Variants in USF3 observed in about 807,000 individuals in gnomAD.
USF3 encodes basic helix-loop-helix domain-containing protein USF3.
USF3 carries 29 observed loss-of-function variants against 157.5 expected under a neutral mutation model. The observed-to-expected ratio is 0.18, with a 90% CI of 0.14 to 0.25. The LOEUF (loss-of-function observed/expected upper bound fraction) is 0.25, where lower values mean the gene tolerates loss of function less well. Among genes scored for constraint, USF3 ranks in the 10% least tolerant of loss-of-function variants. USF3 has a pLI of 1.00. For missense variants in USF3, 2,381 were observed against 2,667.6 expected (o/e 0.89, Z 2.37); for synonymous variants, 893 against 941.4 (o/e 0.95, Z 0.94).
chr3:113,679,766 A>G (rs1316562602), intron 1 of USF3, among the ~76,000 whole-genome samples: 1 of 152,132 alleles, frequency 6.6e-6, no homozygotes, highest in African/African-American at 2.4e-5. Context: ...CTACTCCAGA[A>G]GCAAACCCTA....
At chr3:113,692,621 G>C (rs1707709483) in intron 1 of USF3, among the ~76,000 whole-genome samples, 1 of 152,110 alleles carries the variant, frequency 6.6e-6, no homozygotes, top group African/African-American at 2.4e-5. Context: ...GTTCTTATGA[G>C]CTGAGTCCAC....
chr3:113,692,744 A>G (rs1433550365), intron 1 of USF3, among the ~76,000 whole-genome samples: 3 of 152,194 alleles, frequency 2.0e-5, no homozygotes, highest in Non-Finnish European at 4.4e-5. Flanking sequence ...AATAGAAACA[A>G]CTTATCATGT....
intron 6 of USF3, among the ~76,000 whole-genome samples, chr3:113,663,064 C>T (rs1272209638): frequency 6.7e-6 from 1 of 149,612 alleles, no homozygotes; most frequent in Admixed American, 6.7e-5. Context: ...GATACATGCA[C>T]AGTGAGCATA....
At chr3:113,695,523 A>G (rs372661941) in intron 1 of USF3, among the ~76,000 whole-genome samples, 37 of 152,366 alleles carry the variant, frequency 2.4e-4, no homozygotes, top group African/African-American at 7.2e-4. Context: ...TTGCCTACAC[A>G]GTTGGCCACG....
Position 113,654,911 on chromosome 3 carries a change from C to G in USF3, c.*33G>C. The G allele has an allele frequency of 6.3e-7, 1 of 1,575,618 alleles. No homozygotes were observed. The highest frequency in any genetic ancestry group is 8.6e-7 in the Non-Finnish European group (1 of 1,159,292). On this transcript the variant is annotated 3_prime_UTR_variant, in exon 7 of 7. Transcript: ENST00000316407. ...GCACGCACAAATACATTTGTAATCT[C>G]ACTCATTACCTTTACATTTTGTTTA...
intron 1 of USF3, among the ~76,000 whole-genome samples, chr3:113,690,611 G>A (rs1253427633): frequency 8.5e-5 from 13 of 152,150 alleles, no homozygotes; most frequent in South Asian, 6.2e-4. Flanking sequence ...ATCCCTGTGC[G>A]CCTTATCAGC....
In USF3 at chr3:113,650,462, C is replaced by T. The variant is rs2107907685; in HGVS notation, c.*4482G>A. 6.6e-6 allele frequency: 1 copy of T among 152,306 alleles called. No individual in the cohort carries two copies. Among genetic ancestry groups the T allele is most frequent in the South Asian group, 2.1e-4 (1 of 4,820 alleles). 9.4% of individuals were successfully genotyped at this position (152,306 alleles called of 1,614,324 possible). A position where few individuals can be genotyped will look rare whatever the true frequency, so the allele number is the denominator to read the frequency against. The stretch of plus-strand genomic sequence containing the variant: ...TCAAGGCAAAGGAGTAATCATCTCG[C>T]TAAGGAAATGACTGGCTTCCCTGAG... On this transcript the variant is annotated 3_prime_UTR_variant, in exon 7 of 7. Transcript: ENST00000316407.
At chr3:113,670,900 C>A (rs1707140543) in intron 4 of USF3, among the ~76,000 whole-genome samples, 1 of 151,992 alleles carries the variant, frequency 6.6e-6, no homozygotes, top group Admixed American at 6.6e-5. Flanking sequence ...CAGCACCATG[C>A]CCAACTATTT....
intron 1 of USF3, among the ~76,000 whole-genome samples, chr3:113,680,304 ACTT>A: frequency 6.6e-6 from 1 of 151,218 alleles, no homozygotes; most frequent in East Asian, 1.9e-4. Context: ...TAGGTTTTGG[ACTT>A]CTTCATGGTT....
In USF3 at chr3:113,660,255, G is replaced by A. The variant is rs752208955; in HGVS notation, c.1427C>T (p.Thr476Ile). Residue 476 changes from threonine to isoleucine, a missense_variant, in exon 7 of 7, where the codon ACA (threonine) becomes ATA (isoleucine). Thr to Ile is a moderately conservative substitution (Grantham distance 89). Around this residue, in one of 6 missense-constraint regions of USF3, gnomAD observed 1,435 missense variants for 1,550.9 expected, o/e 0.93. Transcript: ENST00000316407. ...AAAGGAATTATTCAAGTTGATGTCT[G>A]TAGCCACATATCTACTGTGGTTGCT... is the stretch of plus-strand genomic sequence containing the variant. Reference protein sequence around the residue: ...TTSNHSRYVATDINLNNSFPA... With the variant: ...TTSNHSRYVAIDINLNNSFPA... The A allele has an allele frequency of 1.9e-6, 3 of 1,614,188 alleles. No homozygotes were observed. The highest frequency in any genetic ancestry group is 1.1e-5 in the South Asian group (1 of 91,086).
rs1389346519 is a variant in USF3, at chr3:113,655,223, T to G, written c.6459A>C (p.Gly2153=). Residue 2153 remains glycine (G), a synonymous_variant, in exon 7 of 7, where the codon GGA becomes GGC. Coordinates refer to ENST00000316407, the MANE Select transcript of USF3 (RefSeq NM_001009899.4). Reference sequence around the variant, plus strand: ...CAGGTCTGGGAGGAGATAAAATTGATCCAAATCGGTTATTTAAACTTCCAC... The same window carrying G: ...CAGGTCTGGGAGGAGATAAAATTGAGCCAAATCGGTTATTTAAACTTCCAC... ...VNSGSLNNRF[G]SILSPPRPVG... 1 of 1,614,184 alleles carries G rather than the reference T, an allele frequency of 6.2e-7. No homozygotes were observed. The highest frequency in any genetic ancestry group is 8.5e-7 in the Non-Finnish European group (1 of 1,180,018).
chr3:113,692,744 A>C (rs1433550365), intron 1 of USF3, among the ~76,000 whole-genome samples: 1 of 152,194 alleles, frequency 6.6e-6, no homozygotes, highest in Non-Finnish European at 1.5e-5. Context: ...AATAGAAACA[A>C]CTTATCATGT....
rs928319435 is a variant in USF3 at position 113,696,213 on chromosome 3, C to T, written c.-135+157G>A. On this transcript the variant is annotated intron_variant, in intron 1 of 6. Transcript: ENST00000316407. Reference sequence around the variant, plus strand: ...CCCACCAGGTGCCGCACGCAAGGGTCCCCAGGAAGGAGGCGCACTTAGCGC... The same window carrying T: ...CCCACCAGGTGCCGCACGCAAGGGTTCCCAGGAAGGAGGCGCACTTAGCGC... 3.3e-5 allele frequency among the ~76,000 whole-genome samples: 5 copies of T among 152,108 alleles called. No individual in the cohort carries two copies. In the East Asian group the frequency reaches 9.7e-4, roughly 29 times the overall value.
Position 113,661,196 on chromosome 3 carries a change from TC to T in USF3, c.485del (p.Gly162GlufsTer7). The part of the protein sequence containing the change: ...NGNQPGGNSQ[G>X]TAVQGITFNV... ...TAAAAGTTATCCCCTGAACAGCTGT[TC>T]CCTGGCTGTTTCCACCAGGCTGATT... On this transcript the variant is annotated frameshift_variant, in exon 7 of 7. Coordinates refer to ENST00000316407, the MANE Select transcript of USF3 (RefSeq NM_001009899.4). LOFTEE classifies it high-confidence loss of function. 1 of 1,614,002 alleles carries T rather than the reference TC, an allele frequency of 6.2e-7. No individual in the cohort carries two copies. The highest frequency in any genetic ancestry group is 8.5e-7 in the Non-Finnish European group (1 of 1,179,892).
Position 113,659,950 on chromosome 3 carries a change from G to A in USF3, c.1732C>T (p.Gln578Ter). ...RAEVSNQTVG[Q>*]QIVIIQAANQ... is the part of the protein sequence containing the mutation. The stretch of plus-strand genomic sequence containing the variant: ...GCAGCCTGTATGATTACTATCTGTT[G>A]ACCTACTGTTTGGTTGGAAACTTCT... The change falls in exon 7 of 7, where the codon CAA becomes TAA. Residue 578 changes from glutamine to a stop codon, truncating the protein, a stop_gained. Coordinates refer to ENST00000316407, the MANE Select transcript of USF3 (RefSeq NM_001009899.4). LOFTEE classifies it high-confidence loss of function. 6.2e-7 allele frequency: 1 copy of A among 1,614,204 alleles called. No individual in the cohort carries two copies. The highest frequency in any genetic ancestry group is 8.5e-7 in the Non-Finnish European group (1 of 1,180,026).
intron 3 of USF3, 114 bp downstream of exon 3, chr3:113,674,718 A>G: frequency 1.2e-6 from 1 of 805,740 alleles, no homozygotes; most frequent in Admixed American, 1.9e-5. Flanking sequence ...GAGAGTAATA[A>G]TTTCCTCGGT....
rs1168851707 is a variant in USF3, at chr3:113,651,879, G to A, written c.*3065C>T. Reference sequence around the variant, plus strand: ...TCTTTCAAGATCAAAATGTTAGACTGTTGGAATGAAAGCTCCAAGAAATGC... The same window carrying A: ...TCTTTCAAGATCAAAATGTTAGACTATTGGAATGAAAGCTCCAAGAAATGC... On this transcript the variant is annotated 3_prime_UTR_variant, in exon 7 of 7. Transcript: ENST00000316407. 2 of 152,166 alleles carry A rather than the reference G, an allele frequency of 1.3e-5. No homozygotes were observed. Among genetic ancestry groups the A allele is most frequent in the Admixed American group, 1.3e-4 (2 of 15,278 alleles). 9.4% of individuals were successfully genotyped at this position (152,166 alleles called of 1,614,324 possible).
Position 113,655,650 on chromosome 3 carries a change from A to G in USF3, c.6032T>C (p.Leu2011Pro), listed in dbSNP as rs1184722180. ...QRQSTVFDPS[L>P]PHLPLSTGGS... is the part of the protein sequence containing the mutation. The stretch of plus-strand genomic sequence containing the variant: ...ACCAGTAGAGAGAGGAAGATGGGGA[A>G]GACTTGGATCAAAGACAGTACTTTG... Residue 2011 changes from leucine to proline, a missense_variant, in exon 7 of 7, where the codon CTT (leucine) becomes CCT (proline). Coordinates refer to ENST00000316407, the MANE Select transcript of USF3 (RefSeq NM_001009899.4). 6.2e-7 allele frequency: 1 copy of G among 1,613,900 alleles called. No individual in the cohort carries two copies. Among genetic ancestry groups the G allele is most frequent in the South Asian group, 1.1e-5 (1 of 91,080 alleles).
rs754407811 is a variant in USF3 at position 113,656,883 on chromosome 3, A to G, written c.4799T>C (p.Ile1600Thr). ...TCCAACATCCTGCTGTTGGTGCATA[A>G]TATCTTGATTGAGATGGTTCTGGGG... ...NHPQNHLNQD[I>T]MHQQQDVGSR... The change falls in exon 7 of 7, where the codon ATT becomes ACT. Residue 1600 changes from isoleucine to threonine, a missense_variant. Around this residue, in one of 6 missense-constraint regions of USF3, gnomAD observed 770 missense variants for 824.2 expected, o/e 0.93. Coordinates refer to ENST00000316407, the MANE Select transcript of USF3 (RefSeq NM_001009899.4). The G allele has an allele frequency of 1.4e-5, 23 of 1,614,072 alleles. No individual in the cohort carries two copies. The highest frequency in any genetic ancestry group is 1.8e-5 in the Non-Finnish European group (21 of 1,180,038).
Sources: gnomAD v4.1 joint callset for allele counts (sites outside exome capture counted in the v4.1 genomes callset) on GRCh38, gnomAD v4.1.1 for gene constraint, gnomAD v4.1.1 regional missense constraint, MANE v1.5 for transcripts, NCBI Gene and HGNC (gene_info 2026-07-23, HGNC 2026-07-21) for gene names.